Variants in ZNF704 observed in about 807,000 individuals in gnomAD.
ZNF704 encodes the protein glucocorticoid induced gene 1.
Under a neutral mutation model 44.7 loss-of-function variants are expected in ZNF704, and 10 were observed. The ratio of observed to expected loss-of-function variants is 0.22; its 90% CI spans 0.14 to 0.38. The LOEUF is 0.38. ZNF704 is among the 10% of genes least tolerant of loss of function. The probability of loss-of-function intolerance (pLI) is 1.00; values close to 1 mark genes in which losing one functional copy is unlikely to be tolerated. For synonymous variants in ZNF704, 211 were observed against 207.6 expected (o/e 1.02, Z -0.14); for missense variants, 390 against 545.5 (o/e 0.71, Z 2.84).
intron 8 of ZNF704, among the ~76,000 whole-genome samples, chr8:80,642,830 C>T (rs1024678329): frequency 6.6e-6 from 1 of 152,044 alleles, no homozygotes; most frequent in Non-Finnish European, 1.5e-5. Flanking sequence ...AAAACAAAAA[C>T]CTTATTGTAA....
At chr8:80,778,792 G>A (rs1211789510) in intron 2 of ZNF704, among the ~76,000 whole-genome samples, 2 of 152,068 alleles carry the variant, frequency 1.3e-5, no homozygotes, top group African/African-American at 4.8e-5. Context: ...ACTTACAAGT[G>A]GGAGCTAAAC....
chr8:80,776,600 TGTAATAA>T (rs939273755), intron 2 of ZNF704: 1 of 152,210 alleles, frequency 6.6e-6, no homozygotes, highest in African/African-American at 2.4e-5. Context: ...AATTTGTTAA[TGTAATAA>T]GGTTATGATT....
chr8:80,857,943 G>C (rs972271019), intron 1 of ZNF704, among the ~76,000 whole-genome samples: 8 of 151,870 alleles, frequency 5.3e-5, no homozygotes, highest in African/African-American at 1.9e-4. Context: ...ACAGATGGTA[G>C]GTTATTCAGA....
At chr8:80,728,911 A>G (rs1260462737) in intron 2 of ZNF704, among the ~76,000 whole-genome samples, 2 of 152,226 alleles carry the variant, frequency 1.3e-5, no homozygotes, top group Admixed American at 1.3e-4. Flanking sequence ...TGAAGTGACT[A>G]GTCCAGAGAG....
At chr8:80,822,275 C>T (rs1202157477) in intron 1 of ZNF704, among the ~76,000 whole-genome samples, 5 of 151,184 alleles carry the variant, frequency 3.3e-5, no homozygotes, top group African/African-American at 1.2e-4. Flanking sequence ...TCCCCCCCGC[C>T]CCCAACCCAT....
intron 6 of ZNF704, among the ~76,000 whole-genome samples, chr8:80,661,500 T>C (rs893868855): frequency 6.6e-6 from 1 of 152,228 alleles, no homozygotes; most frequent in Non-Finnish European, 1.5e-5. Context: ...CTCTCATGTT[T>C]ATTGCAGCAC....
chr8:80,748,747 CG>C (rs1806890589), intron 2 of ZNF704, among the ~76,000 whole-genome samples: 1 of 151,934 alleles, frequency 6.6e-6, no homozygotes, highest in African/African-American at 2.4e-5. Flanking sequence ...GGCTTAGAGT[CG>C]GAAAGACACC....
intron 5 of ZNF704, among the ~76,000 whole-genome samples, chr8:80,669,293 G>C (rs746088367): frequency 2.6e-5 from 4 of 152,192 alleles, no homozygotes; most frequent in Non-Finnish European, 5.9e-5. Flanking sequence ...TTTCAGGGGA[G>C]ACACTGCAGG....
At chr8:80,793,321 G>A (rs916566659) in intron 2 of ZNF704, among the ~76,000 whole-genome samples, 13 of 152,168 alleles carry the variant, frequency 8.5e-5, no homozygotes, top group Non-Finnish European at 1.5e-4. Context: ...GTATTGATGG[G>A]TCTGTAGGTT....
chr8:80,741,878 C>G (rs1260682592), intron 2 of ZNF704, among the ~76,000 whole-genome samples: 1 of 152,086 alleles, frequency 6.6e-6, no homozygotes, highest in African/African-American at 2.4e-5. Flanking sequence ...TGAAAGTAAT[C>G]CCCTCACTCC....
chr8:80,721,582 T>C (rs1252182079), intron 2 of ZNF704, among the ~76,000 whole-genome samples: 2 of 152,218 alleles, frequency 1.3e-5, no homozygotes, highest in Non-Finnish European at 2.9e-5. Context: ...GTTAAAATTT[T>C]CAATTGGTTG....
At chr8:80,792,620 T>C (rs374851356) in intron 2 of ZNF704, among the ~76,000 whole-genome samples, 1 of 152,210 alleles carries the variant, frequency 6.6e-6, no homozygotes, top group Non-Finnish European at 1.5e-5. Context: ...CTCCCTAGCA[T>C]TGTAAATACA....
intron 2 of ZNF704, among the ~76,000 whole-genome samples, chr8:80,703,028 G>A (rs374668983): frequency 6.6e-6 from 1 of 152,020 alleles, no homozygotes; most frequent in Non-Finnish European, 1.5e-5. Flanking sequence ...TAACAGCCGC[G>A]GGGACACAGA....
chr8:80,670,868 G>C (rs1041324201), intron 4 of ZNF704, among the ~76,000 whole-genome samples: 5 of 152,172 alleles, frequency 3.3e-5, no homozygotes, highest in African/African-American at 1.2e-4. Context: ...GGCCATTCTG[G>C]CTGTCTAAAC....
intron 2 of ZNF704, among the ~76,000 whole-genome samples, chr8:80,712,458 G>A (rs73693868): frequency 0.097 from 14,795 of 152,168 alleles, 1,023 homozygotes; most frequent in African/African-American, 0.19. Flanking sequence ...AACTTTCATA[G>A]AGAACCAGTT....
At chr8:80,840,958 T>C (rs1327862768) in intron 1 of ZNF704, among the ~76,000 whole-genome samples, 1 of 152,184 alleles carries the variant, frequency 6.6e-6, no homozygotes, top group Non-Finnish European at 1.5e-5. Context: ...TAAAGAGGAT[T>C]ATTGATAGTT....
At chr8:80,678,100 C>A (rs973964083) in intron 4 of ZNF704, among the ~76,000 whole-genome samples, 2 of 152,248 alleles carry the variant, frequency 1.3e-5, no homozygotes, top group East Asian at 3.9e-4. Context: ...GAGTTCACCA[C>A]CAGACAATGG....
chr8:80,641,459 G>T lies in ZNF704; in HGVS notation c.1146C>A (p.Gly382=). Residue 382 remains glycine (G), a synonymous_variant, in exon 9 of 9, where the codon GGC becomes GGA. Coordinates refer to ENST00000327835, the MANE Select transcript of ZNF704 (RefSeq NM_001033723.3). ...TVSLRKPRGE[G]KKCRKVYGME... ...TCCCGTACACCTTCCGACACTTTTTGCCCTCTCCCCTGGGCTTCCTGTAAG... is the reference window on the plus strand; with the variant it reads ...TCCCGTACACCTTCCGACACTTTTTTCCCTCTCCCCTGGGCTTCCTGTAAG... 2 of 1,612,498 alleles carry T rather than the reference G, an allele frequency of 1.2e-6. No homozygotes were observed. The highest frequency in any genetic ancestry group is 2.2e-5 in the South Asian group (2 of 90,948).
intron 2 of ZNF704, among the ~76,000 whole-genome samples, chr8:80,755,659 C>T (rs1807022391): frequency 6.6e-6 from 1 of 152,182 alleles, no homozygotes; most frequent in South Asian, 2.1e-4. Context: ...CCTGCCTCCC[C>T]TGGTGATTTC....
Sources: allele counts gnomAD v4.1 joint callset (sites outside exome capture counted in the v4.1 genomes callset), GRCh38; gene constraint gnomAD v4.1.1; transcripts MANE v1.5; gene names NCBI Gene and HGNC (gene_info 2026-07-23, HGNC 2026-07-21).